The following KLHL29 variants were observed in gnomAD, a reference collection of about 807,000 sequenced individuals.
The protein encoded by KLHL29 is kelch like family member 29.
In KLHL29, 21 loss-of-function variants were observed where a neutral mutation model predicts 80.4. That is an observed-to-expected ratio of 0.26 (90% confidence interval 0.19 to 0.38). The LOEUF is 0.38. Ranked by LOEUF, KLHL29 falls within the 10% of genes least tolerant of loss-of-function variation. The pLI is 1.00. For missense variants in KLHL29, 867 were observed against 1,223.9 expected, an observed-to-expected ratio of 0.71 and a Z score of 4.35; for synonymous variants, 511 against 526.8, an observed-to-expected ratio of 0.97 and a Z score of 0.41.
chr2:23,391,878 A>T (rs1397798061), intron 1 of KLHL29, among the ~76,000 whole-genome samples: 1 of 152,204 alleles, frequency 6.6e-6, no homozygotes, highest in Non-Finnish European at 1.5e-5. Flanking sequence ...CTGTGTATGC[A>T]TTTCCTCCCG....
At chr2:23,479,127 C>T (rs1027946289) in intron 2 of KLHL29, among the ~76,000 whole-genome samples, 4 of 151,632 alleles carry the variant, frequency 2.6e-5, no homozygotes, top group Non-Finnish European at 5.9e-5. Flanking sequence ...CACTCTGCTG[C>T]CCCCTTGTCT....
chr2:23,545,656 G>A (rs2103486046), intron 2 of KLHL29, among the ~76,000 whole-genome samples: 1 of 152,328 alleles, frequency 6.6e-6, no homozygotes, highest in South Asian at 2.1e-4. Flanking sequence ...CTAGGCAGGA[G>A]GCCCTGGAGT....
At chr2:23,564,903 G>A (rs1337626277) in intron 3 of KLHL29, among the ~76,000 whole-genome samples, 1 of 152,330 alleles carries the variant, frequency 6.6e-6, no homozygotes, top group East Asian at 1.9e-4. Flanking sequence ...TAGTGCAGTG[G>A]CTACAGCCAG....
At chr2:23,689,567 C>T (rs1447531800) in intron 6 of KLHL29, 1 of 152,426 alleles carries the variant, frequency 6.6e-6, no homozygotes, top group African/African-American at 2.4e-5. Flanking sequence ...CAGCCCTTCA[C>T]TGGCTTTGAG....
intron 1 of KLHL29, among the ~76,000 whole-genome samples, chr2:23,417,986 T>C (rs1367006508): frequency 6.6e-6 from 1 of 152,218 alleles, no homozygotes; most frequent in Non-Finnish European, 1.5e-5. Flanking sequence ...TTTGTTCATC[T>C]TTCCCCTCAG....
At chr2:23,525,994 A>G (rs1572378605) in intron 2 of KLHL29, among the ~76,000 whole-genome samples, 1 of 152,154 alleles carries the variant, frequency 6.6e-6, no homozygotes, top group African/African-American at 2.4e-5. Flanking sequence ...ACATCCGTGG[A>G]CCTGCAGCCA....
intron 3 of KLHL29, among the ~76,000 whole-genome samples, chr2:23,584,881 C>T (rs949532299): frequency 1.3e-5 from 2 of 152,144 alleles, no homozygotes; most frequent in Non-Finnish European, 1.5e-5. Context: ...GGATTACAGG[C>T]GCCTGCCACC....
At chr2:23,638,231 G>C (rs1166417940) in intron 3 of KLHL29, among the ~76,000 whole-genome samples, 2 of 152,132 alleles carry the variant, frequency 1.3e-5, no homozygotes, top group African/African-American at 4.8e-5. Flanking sequence ...TGTTTACATA[G>C]GGAGGCCATT....
intron 1 of KLHL29, among the ~76,000 whole-genome samples, chr2:23,430,857 C>G (rs1217006171): frequency 6.6e-6 from 1 of 152,168 alleles, no homozygotes; most frequent in Non-Finnish European, 1.5e-5. Flanking sequence ...GGCCCAGAGG[C>G]AAAAAGAATT....
Position 23,385,251 on chromosome 2 carries a change from C to T in KLHL29, c.-683C>T, listed in dbSNP as rs1186215650. 4 of 148,450 alleles carry T rather than the reference C, an allele frequency of 2.7e-5. No homozygotes were observed. The highest frequency in any genetic ancestry group is 6.0e-5 in the Non-Finnish European group (4 of 66,680). The allele number at this position is 148,450 out of a possible 1,614,324, so 9.2% of individuals were successfully genotyped here. The stretch of plus-strand genomic sequence containing the variant: ...GCCGCGGCCGCGCCAGCCCCCGCGC[C>T]GCCGCCGCCGTCCCCGCCACCGCGG... On this transcript the variant is annotated 5_prime_UTR_variant, in exon 1 of 14. Transcript: ENST00000486442.
At chr2:23,704,834 C>G (rs914218143) in intron 13 of KLHL29, among the ~76,000 whole-genome samples, 2 of 152,244 alleles carry the variant, frequency 1.3e-5, no homozygotes, top group Non-Finnish European at 2.9e-5. Flanking sequence ...CTGAAGACAT[C>G]TTGTGCCTAT....
intron 3 of KLHL29, among the ~76,000 whole-genome samples, chr2:23,569,962 T>G (rs893258159): frequency 1.3e-5 from 2 of 152,206 alleles, no homozygotes; most frequent in African/African-American, 4.8e-5. Flanking sequence ...GAGGAGCTGA[T>G]GTAACTTAAT....
intron 4 of KLHL29, 138 bp downstream of exon 4, chr2:23,639,418 G>C (rs953789380): frequency 1.3e-6 from 1 of 777,364 alleles, no homozygotes. Flanking sequence ...GGTTCAGGGG[G>C]CAAAGGCACT....
intron 3 of KLHL29, among the ~76,000 whole-genome samples, chr2:23,621,636 T>G (rs1290739023): frequency 2.0e-5 from 3 of 151,530 alleles, no homozygotes; most frequent in Non-Finnish European, 1.5e-5. Flanking sequence ...CTGGAGAGAA[T>G]GGAGGTGAAT....
At chr2:23,573,919 G>C (rs1483707034) in intron 3 of KLHL29, among the ~76,000 whole-genome samples, 1 of 152,198 alleles carries the variant, frequency 6.6e-6, no homozygotes, top group African/African-American at 2.4e-5. Flanking sequence ...TGTTGGCCCA[G>C]TTCCTTCGCA....
chr2:23,428,180 G>A (rs747345), intron 1 of KLHL29, among the ~76,000 whole-genome samples: 71,782 of 152,108 alleles, frequency 0.47, 17,941 homozygotes, highest in African/African-American at 0.65. Context: ...AGTTTGGACC[G>A]TGTCCGCAGA....
At chr2:23,691,468 G>A in intron 6 of KLHL29, 1 of 598,782 alleles carries the variant, frequency 1.7e-6, no homozygotes, top group South Asian at 2.0e-5. Context: ...GATAAGCAGG[G>A]TTTTCTGTTC....
intron 2 of KLHL29, among the ~76,000 whole-genome samples, chr2:23,483,050 A>G (rs1294716792): frequency 6.6e-6 from 1 of 152,214 alleles, no homozygotes; most frequent in Non-Finnish European, 1.5e-5. Flanking sequence ...CAGCAAAAAG[A>G]ATGTATACCA....
chr2:23,483,075 G>A (rs1313265533), intron 2 of KLHL29, among the ~76,000 whole-genome samples: 2 of 152,222 alleles, frequency 1.3e-5, no homozygotes, highest in African/African-American at 2.4e-5. Context: ...CTATGGAAGA[G>A]CAACTCATTT....
Sources: gnomAD v4.1 joint callset for allele counts (sites outside exome capture counted in the v4.1 genomes callset) on GRCh38, gnomAD v4.1.1 for gene constraint, MANE v1.5 for transcripts, NCBI Gene and HGNC (gene_info 2026-07-23, HGNC 2026-07-21) for gene names.